TNIP3: variants seen among roughly 807,000 people sequenced by gnomAD.
TNIP3 encodes TNFAIP3 interacting protein 3.
TNIP3 carries 34 observed loss-of-function variants against 54.1 expected under a neutral mutation model. That is an observed-to-expected ratio of 0.63 (90% confidence interval 0.48 to 0.84). TNIP3 has a LOEUF of 0.84. Ranked by LOEUF, TNIP3 falls within the 40% of genes least tolerant of loss-of-function variation. The pLI, the probability that TNIP3 is intolerant of heterozygous loss-of-function variation, is 0.00. For missense variants in TNIP3, 366 were observed against 387.6 expected (o/e 0.94, Z 0.47); for synonymous variants, 134 against 136.8 (o/e 0.98, Z 0.14).
intron 2 of TNIP3, among the ~76,000 whole-genome samples, chr4:121,211,245 GA>G (rs1726461674): frequency 6.6e-6 from 1 of 152,150 alleles, no homozygotes; most frequent in Non-Finnish European, 1.5e-5. Flanking sequence ...TTTAGAATAT[GA>G]AGTGACAGCT....
intron 2 of TNIP3, among the ~76,000 whole-genome samples, chr4:121,201,891 A>C (rs1215517525): frequency 6.6e-6 from 1 of 152,176 alleles, no homozygotes; most frequent in East Asian, 1.9e-4. Flanking sequence ...TGAAGCATTG[A>C]GATAAAAATC....
At chr4:121,223,611 A>G (rs1367498054) in intron 1 of TNIP3, among the ~76,000 whole-genome samples, 1 of 50,962 alleles carries the variant, frequency 2.0e-5, no homozygotes. Flanking sequence ...CAGAAACTAG[A>G]AAAGGTAAAA....
chr4:121,194,378 G>T (rs972522263), intron 2 of TNIP3, among the ~76,000 whole-genome samples: 7 of 152,064 alleles, frequency 4.6e-5, no homozygotes, highest in Admixed American at 2.0e-4. Context: ...GATCTGATTT[G>T]ATCTTAAAAT....
At chr4:121,227,346 C>G in intron 1 of TNIP3, 4 of 1,529,036 alleles carry the variant, frequency 2.6e-6, no homozygotes, top group Non-Finnish European at 3.5e-6. Flanking sequence ...GGTAAGTAAG[C>G]GAAATGAAAG....
chr4:121,167,044 A>G (rs1321798196), upstream of TNIP3, among the ~76,000 whole-genome samples: 1 of 152,102 alleles, frequency 6.6e-6, no homozygotes, highest in Non-Finnish European at 1.5e-5. Context: ...TTGCTATCTG[A>G]GCTTATATAG....
chr4:121,207,477 A>G (rs1726249880), intron 2 of TNIP3, among the ~76,000 whole-genome samples: 1 of 152,204 alleles, frequency 6.6e-6, no homozygotes. Context: ...TTGTACGCAG[A>G]TATCTTTAAA....
chr4:121,187,226 A>T (rs192460467), intron 2 of TNIP3, among the ~76,000 whole-genome samples: 48 of 152,330 alleles, frequency 3.2e-4, no homozygotes, highest in African/African-American at 1.1e-3. Flanking sequence ...AAACTTTTAA[A>T]CACCAATAGA....
chr4:121,131,611 T>TC lies in TNIP3; in HGVS notation c.*1019_*1020insG, dbSNP rs1338612592. On this transcript the variant is annotated 3_prime_UTR_variant, in exon 11 of 11. Transcript: ENST00000057513. ...CAGGACTTTGTCTTCCTTTTTTTTTTTTTTTTTTTTTTGGTGGTGTGGAGT... is the reference window on the plus strand; with the variant it reads ...CAGGACTTTGTCTTCCTTTTTTTTTTCTTTTTTTTTTTTGGTGGTGTGGAGT... The TC allele has an allele frequency of 6.7e-6, 1 of 148,860 alleles. No individual in the cohort carries two copies. Among genetic ancestry groups the TC allele is most frequent in the East Asian group, 1.9e-4 (1 of 5,162 alleles). The allele number at this position is 148,860 out of a possible 1,614,324, so 9.2% of individuals were successfully genotyped here.
chr4:121,153,685 T>G (rs766117299), intron 5 of TNIP3, among the ~76,000 whole-genome samples: 1 of 152,190 alleles, frequency 6.6e-6, no homozygotes, highest in Non-Finnish European at 1.5e-5. Context: ...AGGCACATAC[T>G]TAATACTTTG....
chr4:121,196,392 G>T (rs533585819), intron 2 of TNIP3, among the ~76,000 whole-genome samples: 2 of 152,022 alleles, frequency 1.3e-5, no homozygotes, highest in African/African-American at 4.8e-5. Flanking sequence ...ACAAGTATAG[G>T]TTTTTTTTAA....
intron 3 of TNIP3, among the ~76,000 whole-genome samples, chr4:121,174,111 A>T (rs1724154900): frequency 6.6e-6 from 1 of 152,236 alleles, no homozygotes; most frequent in Non-Finnish European, 1.5e-5. Context: ...TTTCTGCATC[A>T]TTCCTGCCAA....
chr4:121,156,320 A>G (rs945149550), intron 4 of TNIP3, among the ~76,000 whole-genome samples: 1 of 152,228 alleles, frequency 6.6e-6, no homozygotes, highest in Non-Finnish European at 1.5e-5. Context: ...ATTAGAGTTT[A>G]AGGTTTCCTC....
chr4:121,140,706 T>C (rs1729065009), intron 9 of TNIP3, among the ~76,000 whole-genome samples: 1 of 152,064 alleles, frequency 6.6e-6, no homozygotes, highest in Non-Finnish European at 1.5e-5. Flanking sequence ...GACTTCTACA[T>C]TCTTGAAAAA....
At chr4:121,211,340 A>G (rs1042114616) in intron 2 of TNIP3, among the ~76,000 whole-genome samples, 4 of 152,256 alleles carry the variant, frequency 2.6e-5, no homozygotes, top group Non-Finnish European at 4.4e-5. Flanking sequence ...CAAATCCTCA[A>G]TGTAACCTGC....
At chr4:121,173,956 C>T (rs1324531041) in intron 3 of TNIP3, among the ~76,000 whole-genome samples, 2 of 152,160 alleles carry the variant, frequency 1.3e-5, no homozygotes, top group African/African-American at 4.8e-5. Context: ...GTATTAAATA[C>T]TTATTGATTA....
chr4:121,144,954 C>CAGG (rs2148800385), intron 7 of TNIP3, among the ~76,000 whole-genome samples: 1 of 152,248 alleles, frequency 6.6e-6, no homozygotes, highest in South Asian at 2.1e-4. Context: ...TTAGAGCAGG[C>CAGG]AGGAACACCA....
At chr4:121,213,238 C>T (rs532709037) in intron 2 of TNIP3, among the ~76,000 whole-genome samples, 3 of 152,204 alleles carry the variant, frequency 2.0e-5, no homozygotes, top group East Asian at 3.9e-4. Context: ...GGCATTCGAT[C>T]CTGTTTAATA....
Position 121,147,187 on chromosome 4 carries a change from AG to A in TNIP3, c.610-14del. 6.2e-7 allele frequency: 1 copy of A among 1,601,372 alleles called. No individual in the cohort carries two copies. Among genetic ancestry groups the A allele is most frequent in the South Asian group, 1.1e-5 (1 of 87,890 alleles). ...CGTATATTTGCACCTAAGAAATATT[AG>A]CTTGCTGTTACTGTAAGCTTCCTTT... On this transcript the variant is annotated splice_polypyrimidine_tract_variant and intron_variant, in intron 6 of 10. Transcript: ENST00000057513.
At chr4:121,199,410 A>G (rs761501474) in intron 2 of TNIP3, among the ~76,000 whole-genome samples, 32 of 152,294 alleles carry the variant, frequency 2.1e-4, no homozygotes, top group Non-Finnish European at 3.2e-4. Flanking sequence ...CAATATTACT[A>G]TGTTTCTAGC....
Sources: allele counts gnomAD v4.1 joint callset (sites outside exome capture counted in the v4.1 genomes callset), GRCh38; gene constraint gnomAD v4.1.1; transcripts MANE v1.5; gene names NCBI Gene and HGNC (gene_info 2026-07-23, HGNC 2026-07-21).